Variants in ANKRD24 observed in about 807,000 individuals in gnomAD.
ANKRD24 encodes ankyrin repeat domain 24, also known as ankyrin repeat domain-containing protein 24.
Under a neutral mutation model 127.8 loss-of-function variants are expected in ANKRD24, and 109 were observed. That is an observed-to-expected ratio of 0.85 (90% CI 0.73 to 1.00). ANKRD24 has a LOEUF of 1.00. ANKRD24 is among the 50% of genes least tolerant of loss of function. The pLI is 0.00. For missense variants in ANKRD24, 1,648 were observed against 1,570.2 expected (o/e 1.05, Z -0.84); for synonymous variants, 743 against 671.1 (o/e 1.11, Z -1.66).
chr19:4,197,284 CTG>C (rs1019464846), intron 2 of ANKRD24, among the ~76,000 whole-genome samples: 11 of 151,878 alleles, frequency 7.2e-5, no homozygotes, highest in African/African-American at 2.7e-4. Context: ...GAACGAATGA[CTG>C]ATTGAATGAA....
chr19:4,209,938 TG>T (rs1969612438), intron 11 of ANKRD24, 119 bp from the exon 12 acceptor site: 87 of 635,166 alleles, frequency 1.4e-4, no homozygotes, highest in Non-Finnish European at 2.6e-5. Flanking sequence ...CAGGGGCTGC[TG>T]GTTCCATGTT....
chr19:4,222,126 C>T (rs769986254), intron 19 of ANKRD24, among the ~76,000 whole-genome samples: 14 of 152,330 alleles, frequency 9.2e-5, no homozygotes, highest in African/African-American at 2.2e-4. Context: ...CGGTGGCTCA[C>T]GCCTGTAATC....
intron 18 of ANKRD24, among the ~76,000 whole-genome samples, chr19:4,218,518 T>C (rs1970261664): frequency 6.6e-6 from 1 of 151,936 alleles, no homozygotes; most frequent in South Asian, 2.1e-4. Context: ...CAGGCTGGTC[T>C]TGAACTCCTG....
chr19:4,195,762 C>A lies in ANKRD24; in HGVS notation c.37-3921C>A, dbSNP rs1024623917. ...TACAAAAATTCGCTAGGCGTGGTGG[C>A]GTGTGCCTGTAATCCCAGCTACTCG... On this transcript the variant is annotated intron_variant, in intron 2 of 21. Transcript: ENST00000318934. This position sits in a 1 kb window ranked among gnomAD's most constrained non-coding sequence, Gnocchi z 4.2. 3.3e-5 allele frequency among the ~76,000 whole-genome samples: 5 copies of A among 152,080 alleles called. No homozygotes were observed. The highest frequency in any genetic ancestry group is 6.5e-5 in the Admixed American group (1 of 15,280).
Position 4,224,451 on chromosome 19 carries a change from G to GCGGATTCTCAGC in ANKRD24, c.3389_3400dup (p.Arg1130_Ser1133dup). On this transcript the variant is annotated inframe_insertion, in exon 22 of 22. Transcript: ENST00000318934. ...AGGGCCAGATGGATGAAGATGTGCA[G>GCGGATTCTCAGC]CGGATTCTCAGCCAGATTCTGCAGA... 6.2e-7 allele frequency: 1 copy of GCGGATTCTCAGC among 1,613,430 alleles called. No individual in the cohort carries two copies. The highest frequency in any genetic ancestry group is 8.5e-7 in the Non-Finnish European group (1 of 1,179,756).
intron 7 of ANKRD24, 36 bp from the exon 8 acceptor site, chr19:4,207,206 G>T: frequency 6.3e-7 from 1 of 1,598,396 alleles, no homozygotes. Flanking sequence ...TTACAGGGTT[G>T]AGCTACCGCA....
rs563331437 is a variant in ANKRD24 at position 4,224,555 on chromosome 19, AC to A, written c.*56del. 2.0e-6 allele frequency: 3 copies of A among 1,529,574 alleles called. No individual in the cohort carries two copies. Among genetic ancestry groups the A allele is most frequent in the Non-Finnish European group, 1.8e-6 (2 of 1,123,122 alleles). The allele number at this position is 1,529,574 out of a possible 1,614,324, so 94.8% of individuals were successfully genotyped here. A position where few individuals can be genotyped will look rare whatever the true frequency, so the allele number is the denominator to read the frequency against. On this transcript the variant is annotated 3_prime_UTR_variant, in exon 22 of 22. Coordinates refer to ENST00000318934, the MANE Select transcript of ANKRD24 (RefSeq NM_001393985.1). ...CTGACCACACCCACGCAGGGACCTCACCCCCCTGCAGGCCCCTTGCAGACCG... is the reference window on the plus strand; with the variant it reads ...CTGACCACACCCACGCAGGGACCTCACCCCCTGCAGGCCCCTTGCAGACCG...
At chr19:4,200,056 G>A (rs188123256) in intron 4 of ANKRD24, 27 bp from the exon 5 acceptor site, 52 of 1,571,124 alleles carry the variant, frequency 3.3e-5, no homozygotes, top group African/African-American at 5.4e-5. Context: ...GCAACCTTGC[G>A]GCTGAACCCT....
Position 4,213,335 on chromosome 19 carries a change from TTTCC to T in ANKRD24, c.1197+649_1197+652del, listed in dbSNP as rs767871996. 6.8e-5 allele frequency among the ~76,000 whole-genome samples: 10 copies of T among 148,084 alleles called. 1 individual carries two copies. The highest frequency in any genetic ancestry group is 3.4e-4 in the Admixed American group (5 of 14,816). On this transcript the variant is annotated intron_variant, in intron 15 of 21. Coordinates refer to ENST00000318934, the MANE Select transcript of ANKRD24 (RefSeq NM_001393985.1). The stretch of plus-strand genomic sequence containing the variant: ...CTCCCTCCCTCCTTCCCTTCCTTCC[TTTCC>T]TTCCTTCCTTCGTTTTCCTTCCCTT...
chr19:4,197,670 T>C (rs533757214), intron 2 of ANKRD24, among the ~76,000 whole-genome samples: 2 of 152,044 alleles, frequency 1.3e-5, no homozygotes, highest in African/African-American at 2.4e-5. Context: ...AATGAATGAA[T>C]GAATGGGTGA....
chr19:4,223,401 A>ATATTTTTTTTTTT (rs1192232980), intron 20 of ANKRD24, among the ~76,000 whole-genome samples: 1 of 53,344 alleles, frequency 1.9e-5, no homozygotes, highest in African/African-American at 9.5e-5. Context: ...ATATATATAT[A>ATATTTTTTTTTTT]TTTTTTTTTT....
In ANKRD24 at chr19:4,199,533, T is replaced by C. The variant is rs986836234; in HGVS notation, c.37-150T>C. ...AGCCCAGGGGACAACGTTTTGGAAA[T>C]AGATGCCAGGGGGCTGCTCAGGGGA... On this transcript the variant is annotated intron_variant, in intron 2 of 21. Coordinates refer to ENST00000318934, the MANE Select transcript of ANKRD24 (RefSeq NM_001393985.1). This position sits in a 1 kb window ranked among gnomAD's most constrained non-coding sequence, Gnocchi z 5.2. 3.5e-6 allele frequency: 5 copies of C among 1,417,550 alleles called. No homozygotes were observed. The highest frequency in any genetic ancestry group is 4.6e-6 in the Non-Finnish European group (5 of 1,090,284). 87.8% of individuals were successfully genotyped at this position (1,417,550 alleles called of 1,614,324 possible).
rs1017259744 is a variant in ANKRD24 at position 4,198,265 on chromosome 19, C to T, written c.37-1418C>T. ...CTTCCCTCAGCCCCCAGCCCCCAGCCCCCTACCTGGGTCTTCCCATTCCAT... is the reference window on the plus strand; with the variant it reads ...CTTCCCTCAGCCCCCAGCCCCCAGCTCCCTACCTGGGTCTTCCCATTCCAT... On this transcript the variant is annotated intron_variant, in intron 2 of 21. Transcript: ENST00000318934. This position sits in a 1 kb window ranked among gnomAD's most constrained non-coding sequence, Gnocchi z 6.1. 6 of 464,610 alleles carry T rather than the reference C, an allele frequency of 1.3e-5. No homozygotes were observed. The highest frequency in any genetic ancestry group is 6.1e-5 in the African/African-American group (3 of 48,890). The allele number at this position is 464,610 out of a possible 1,614,324, so 28.8% of individuals were successfully genotyped here.
At chr19:4,190,516 G>A (rs942772652) in intron 2 of ANKRD24, among the ~76,000 whole-genome samples, 1 of 151,786 alleles carries the variant, frequency 6.6e-6, no homozygotes. Flanking sequence ...CCTGAGGTCA[G>A]GAGTTCGAGA....
At position 4,199,967 on chromosome 19, in the gene ANKRD24, G is replaced by T; in HGVS notation, c.216G>T (p.Gly72=). 1 of 1,564,844 alleles carries T rather than the reference G, an allele frequency of 6.4e-7. No homozygotes were observed. The highest frequency in any genetic ancestry group is 8.7e-7 in the Non-Finnish European group (1 of 1,154,894). The change falls in exon 4 of 22, where the codon GGG becomes GGT. Residue 72 remains glycine (G), a synonymous_variant. Transcript: ENST00000318934. The surrounding 1 kb of genome is among the most constrained non-coding windows in gnomAD (Gnocchi z 5.2). The stretch of plus-strand genomic sequence containing the variant: ...TGGCCGCCCTCATCGCCCGCAAGGG[G>T]CTGGTGCCCACGAAGCTAGACCCCG... ...PRVAALIARK[G]LVPTKLDPEG...
At chr19:4,202,832 G>A (rs752705824) in intron 6 of ANKRD24, 37 bp from the exon 7 acceptor site, 79 of 1,561,666 alleles carry the variant, frequency 5.1e-5, no homozygotes, top group Non-Finnish European at 6.2e-5. Context: ...GCAGCAAGAA[G>A]GATGGCTCCG....
chr19:4,208,991 G>T, intron 11 of ANKRD24, 190 bp downstream of exon 11: 477 of 393,982 alleles, frequency 1.2e-3, no homozygotes, highest in East Asian at 3.3e-3. Flanking sequence ...AACTGGGTGA[G>T]AATACTGGAT....
chr19:4,184,748 C>T (rs1187605557), intron 1 of ANKRD24, among the ~76,000 whole-genome samples: 1 of 152,016 alleles, frequency 6.6e-6, no homozygotes, highest in East Asian at 1.9e-4. Context: ...AGTGAATGGG[C>T]ACCGGTGGAG....
chr19:4,208,341 T>C (rs1969512735), intron 10 of ANKRD24, among the ~76,000 whole-genome samples: 1 of 152,094 alleles, frequency 6.6e-6, no homozygotes, highest in Non-Finnish European at 1.5e-5. Context: ...CTGTCTCCAC[T>C]AAAAATACAA....
Sources: gnomAD v4.1 joint callset for allele counts (sites outside exome capture counted in the v4.1 genomes callset) on GRCh38, gnomAD v4.1.1 for gene constraint, Gnocchi (gnomAD v3.1) non-coding constraint, MANE v1.5 for transcripts, NCBI Gene and HGNC (gene_info 2026-07-23, HGNC 2026-07-21) for gene names.